ELAPOR2: variants seen among roughly 807,000 people sequenced by gnomAD.
The protein encoded by ELAPOR2 is endosome/lysosome-associated apoptosis and autophagy regulator family member 2.
A neutral mutation model predicts 120.7 loss-of-function variants in ELAPOR2; 89 were observed. The observed-to-expected ratio is 0.74, with a 90% CI of 0.62 to 0.88. The LOEUF is 0.88. ELAPOR2 is among the 40% of genes least tolerant of loss of function. The pLI is 0.00. For synonymous variants in ELAPOR2, 444 were observed against 444.9 expected, an observed-to-expected ratio of 1.00 and a Z score of 0.03; for missense variants, 1,134 against 1,251.6, an observed-to-expected ratio of 0.91 and a Z score of 1.42.
intron 1 of ELAPOR2, among the ~76,000 whole-genome samples, chr7:87,038,704 A>C (rs1794664721): frequency 6.6e-6 from 1 of 152,172 alleles, no homozygotes; most frequent in Non-Finnish European, 1.5e-5. Flanking sequence ...GTCAATGAAG[A>C]AATTGAGAAG....
At chr7:87,002,748 C>T (rs1184351940) in intron 1 of ELAPOR2, among the ~76,000 whole-genome samples, 1 of 152,116 alleles carries the variant, frequency 6.6e-6, no homozygotes, top group Non-Finnish European at 1.5e-5. Context: ...ATTACAGCCC[C>T]TCACTCCCAG....
At position 86,915,508 on chromosome 7, in the gene ELAPOR2, C is replaced by G. The variant is rs191662277; in HGVS notation, c.1594-648G>C. On this transcript the variant is annotated intron_variant, in intron 12 of 21. Coordinates refer to ENST00000450689, the MANE Select transcript of ELAPOR2 (RefSeq NM_001142749.3). ...TAAAATCACACAAATTTGTGATATT[C>G]CAACTGATATGCTGTCATTAACATG... is the stretch of plus-strand genomic sequence containing the variant. Among the ~76,000 whole-genome samples, 232 of 151,896 alleles carry G rather than the reference C, an allele frequency of 1.5e-3. 4 individuals carry two copies. Among genetic ancestry groups the G allele is most frequent in the Non-Finnish European group, 2.1e-4 (14 of 67,922 alleles).
intron 18 of ELAPOR2, among the ~76,000 whole-genome samples, chr7:86,906,880 A>T (rs7781002): frequency 0.12 from 18,361 of 151,892 alleles, 1,437 homozygotes; most frequent in Non-Finnish European, 0.17. Flanking sequence ...AAATTTAAAA[A>T]TAATAATAAT....
intron 8 of ELAPOR2, among the ~76,000 whole-genome samples, chr7:86,929,699 T>C (rs1442814989): frequency 2.0e-5 from 3 of 151,942 alleles, no homozygotes; most frequent in Non-Finnish European, 4.4e-5. Context: ...TCCTCTGATA[T>C]GTTTTAGATT....
intron 1 of ELAPOR2, among the ~76,000 whole-genome samples, chr7:86,968,151 T>G (rs1345432594): frequency 6.6e-6 from 1 of 152,174 alleles, no homozygotes; most frequent in Non-Finnish European, 1.5e-5. Context: ...TGAATGGCAT[T>G]CAGGGTACTG....
At position 86,880,438 on chromosome 7, in the gene ELAPOR2, G is replaced by A; in HGVS notation, c.*33C>T. The A allele has an allele frequency of 6.6e-7, 1 of 1,511,806 alleles. No homozygotes were observed. The highest frequency in any genetic ancestry group is 9.2e-7 in the Non-Finnish European group (1 of 1,087,804). The allele number at this position is 1,511,806 out of a possible 1,614,324, so 93.6% of individuals were successfully genotyped here. Reference sequence around the variant, plus strand: ...CTGTAAAACTAGAGCAGGTTTCTTTGTTCATTAGTCTCAAGGCTACAGCAC... The same window carrying A: ...CTGTAAAACTAGAGCAGGTTTCTTTATTCATTAGTCTCAAGGCTACAGCAC... On this transcript the variant is annotated 3_prime_UTR_variant, in exon 22 of 22. Transcript: ENST00000450689.
At chr7:86,926,614 T>G (rs775493670) in intron 9 of ELAPOR2, 122 bp downstream of exon 9, 51 of 938,652 alleles carry the variant, frequency 5.4e-5, no homozygotes, top group Non-Finnish European at 7.9e-5. Flanking sequence ...GCAATTTTTG[T>G]CTACTAAAAC....
intron 16 of ELAPOR2, among the ~76,000 whole-genome samples, chr7:86,908,898 A>G (rs577614020): frequency 6.6e-6 from 1 of 152,214 alleles, no homozygotes; most frequent in Admixed American, 6.6e-5. Flanking sequence ...ATTTTATCGA[A>G]TGAGTTAGGC....
At chr7:86,960,280 T>C (rs781158877) in intron 2 of ELAPOR2, among the ~76,000 whole-genome samples, 1 of 152,218 alleles carries the variant, frequency 6.6e-6, no homozygotes, top group Non-Finnish European at 1.5e-5. Context: ...AGACGGAGTC[T>C]CACTCTGTCG....
chr7:87,035,191 T>C (rs6945840), intron 1 of ELAPOR2, among the ~76,000 whole-genome samples: 31,989 of 152,064 alleles, frequency 0.21, 3,568 homozygotes, highest in African/African-American at 0.25. Context: ...CCCTGAGCAG[T>C]CATTGAACTG....
Position 86,926,717 on chromosome 7 carries a change from G to C in ELAPOR2, c.1270+19C>G. 1 of 1,590,166 alleles carries C rather than the reference G, an allele frequency of 6.3e-7. No individual in the cohort carries two copies. The highest frequency in any genetic ancestry group is 8.6e-7 in the Non-Finnish European group (1 of 1,167,904). On this transcript the variant is annotated intron_variant, in intron 9 of 21. Coordinates refer to ENST00000450689, the MANE Select transcript of ELAPOR2 (RefSeq NM_001142749.3). ...TCATTTTGCTAAAGGCCCAGTTATTGGACCAATTGACATCCTACCTTTGGT... is the reference window on the plus strand; with the variant it reads ...TCATTTTGCTAAAGGCCCAGTTATTCGACCAATTGACATCCTACCTTTGGT...
chr7:87,052,876 AGC>A (rs537116161), intron 1 of ELAPOR2, among the ~76,000 whole-genome samples: 130 of 152,230 alleles, frequency 8.5e-4, no homozygotes, highest in Non-Finnish European at 1.4e-3. Context: ...AGCTCCCTGC[AGC>A]CTCAACCTCC....
intron 1 of ELAPOR2, among the ~76,000 whole-genome samples, chr7:87,029,817 C>A (rs1369441961): frequency 6.6e-6 from 1 of 151,842 alleles, no homozygotes; most frequent in Non-Finnish European, 1.5e-5. Flanking sequence ...CTGGGGCAAT[C>A]GAGATTTACA....
intron 1 of ELAPOR2, among the ~76,000 whole-genome samples, chr7:86,984,143 A>C (rs1371132594): frequency 7.2e-5 from 11 of 152,182 alleles, no homozygotes; most frequent in Admixed American, 7.2e-4. Context: ...AACTGTCCTA[A>C]ATATATATGC....
chr7:87,003,292 G>T (rs1461026555), intron 1 of ELAPOR2, among the ~76,000 whole-genome samples: 2 of 152,036 alleles, frequency 1.3e-5, no homozygotes, highest in Non-Finnish European at 2.9e-5. Flanking sequence ...CCTTTCCTTG[G>T]ATCTGAGAGC....
rs753409572 is a variant in ELAPOR2, at chr7:86,926,847, G to A, written c.1159C>T (p.Pro387Ser). The A allele has an allele frequency of 2.5e-6, 4 of 1,601,932 alleles. No homozygotes were observed. Among genetic ancestry groups the A allele is most frequent in the East Asian group, 4.5e-5 (2 of 44,490 alleles). The change falls in exon 9 of 22, where the codon CCC (proline) becomes TCC (serine). Residue 387 changes from proline (P) to serine (S), a missense_variant. Physicochemically the swap from Pro to Ser is moderately conservative, Grantham distance 74. This residue lies in a region of ELAPOR2 where 831 missense variants were observed against 867.6 expected (regional missense o/e 0.96). Transcript: ENST00000450689. ...REDLTDAIRL[P>S]PSGEKKDCPP... is the part of the protein sequence containing the mutation. ...CAATCCTTCTTCTCTCCAGAAGGGG[G>A]CAATCTAATAGCATCTGTGAGATCC...
At chr7:86,962,307 G>T (rs1447065737) in intron 2 of ELAPOR2, among the ~76,000 whole-genome samples, 1 of 152,114 alleles carries the variant, frequency 6.6e-6, no homozygotes, top group African/African-American at 2.4e-5. Flanking sequence ...ACATTTTAAA[G>T]AATTTTTAGC....
chr7:86,885,544 G>A (rs1799648171), intron 21 of ELAPOR2, among the ~76,000 whole-genome samples: 1 of 152,070 alleles, frequency 6.6e-6, no homozygotes, highest in Non-Finnish European at 1.5e-5. Context: ...CAAGAAAAAA[G>A]ATAATTAGAA....
intron 2 of ELAPOR2, among the ~76,000 whole-genome samples, chr7:86,951,858 A>G (rs1791262303): frequency 6.6e-6 from 1 of 152,196 alleles, no homozygotes; most frequent in Admixed American, 6.5e-5. Flanking sequence ...CAGAACTATA[A>G]CTCATGCCTG....
Sources: gnomAD v4.1 joint callset for allele counts (sites outside exome capture counted in the v4.1 genomes callset) on GRCh38, gnomAD v4.1.1 for gene constraint, gnomAD v4.1.1 regional missense constraint, MANE v1.5 for transcripts, NCBI Gene and HGNC (gene_info 2026-07-23, HGNC 2026-07-21) for gene names.